ABCC8: variants seen among roughly 807,000 people sequenced by gnomAD.
ABCC8 encodes the protein ATP-binding cassette sub-family C member 8.
In ABCC8, 137 loss-of-function variants were observed where a neutral mutation model predicts 188.0. That is an observed-to-expected ratio of 0.73 (90% confidence interval 0.63 to 0.84). The LOEUF (loss-of-function observed/expected upper bound fraction) is 0.84, where lower values mean the gene tolerates loss of function less well. Ranked by LOEUF, ABCC8 falls within the 40% of genes least tolerant of loss-of-function variation. The pLI, the probability that ABCC8 is intolerant of heterozygous loss-of-function variation, is 0.00. For synonymous variants in ABCC8, 797 were observed against 846.5 expected (o/e 0.94, Z 1.01); for missense variants, 1,750 against 2,072.7 (o/e 0.84, Z 3.02).
At chr11:17,415,552 A>G in intron 17 of ABCC8, 1 of 603,796 alleles carries the variant, frequency 1.7e-6, no homozygotes, top group Non-Finnish European at 2.1e-6. Flanking sequence ...GTGTGTGAGG[A>G]GGGCCCTGGA....
In ABCC8 at chr11:17,428,570, C is replaced by A. The variant is rs1471134907; in HGVS notation, c.1918G>T (p.Ala640Ser). 1.9e-6 allele frequency: 3 copies of A among 1,613,984 alleles called. No homozygotes were observed. Among genetic ancestry groups the A allele is most frequent in the African/African-American group, 2.7e-5 (2 of 74,936 alleles). Reference protein sequence around the residue: ...TPQGPASKYQAVPLRVVNRKR... With the variant: ...TPQGPASKYQSVPLRVVNRKR... Reference sequence around the variant, plus strand: ...AGGGGAGGCCGGGCACTCACCACCGCCTGGTACTTGCTGGCTGGGCCCTGA... The same window carrying A: ...AGGGGAGGCCGGGCACTCACCACCGACTGGTACTTGCTGGCTGGGCCCTGA... The change falls in exon 13 of 39, where the codon GCG becomes TCG. Residue 640 changes from alanine to serine, a missense_variant. Transcript: ENST00000389817.
Position 17,404,586 on chromosome 11 carries a change from A to G in ABCC8, c.3483T>C (p.Pro1161=). Residue 1161 remains proline, a synonymous_variant, in exon 28 of 39, where the codon CCT becomes CCC. Transcript: ENST00000389817. This position sits in a 1 kb window ranked among gnomAD's most constrained non-coding sequence, Gnocchi z 4.7. ...GGGGCAAGAGGGCCACGAGGAACAC[A>G]GGTGTGACATAGGAGATGACGGCCA... ...SALAVISYVT[P]VFLVALLPLA... is the part of the protein sequence containing the mutation. 6.2e-7 allele frequency: 1 copy of G among 1,614,064 alleles called. No individual in the cohort carries two copies. The highest frequency in any genetic ancestry group is 2.2e-5 in the East Asian group (1 of 44,868).
rs1206309605 is a variant in ABCC8 at position 17,427,461 on chromosome 11, C to T, written c.2117-307G>A. On this transcript the variant is annotated intron_variant, in intron 15 of 38. Transcript: ENST00000389817. The surrounding 1 kb of genome is among the most constrained non-coding windows in gnomAD (Gnocchi z 5.0). ...CCTTGTGGTCCCAAGAAACACCATCCTGGGTCCCACCTCCAACCCACCTCC... is the reference window on the plus strand; with the variant it reads ...CCTTGTGGTCCCAAGAAACACCATCTTGGGTCCCACCTCCAACCCACCTCC... Among the ~76,000 whole-genome samples, 1 of 152,146 alleles carries T rather than the reference C, an allele frequency of 6.6e-6. No homozygotes were observed. The highest frequency in any genetic ancestry group is 1.5e-5 in the Non-Finnish European group (1 of 68,044).
At chr11:17,462,991 G>C (rs1847917986) in intron 4 of ABCC8, among the ~76,000 whole-genome samples, 1 of 152,168 alleles carries the variant, frequency 6.6e-6, no homozygotes, top group African/African-American at 2.4e-5. Context: ...TAGGGGCAGG[G>C]GAAGGGGAAG....
intron 10 of ABCC8, among the ~76,000 whole-genome samples, chr11:17,435,180 C>T (rs1168049514): frequency 6.6e-6 from 1 of 152,170 alleles, no homozygotes; most frequent in African/African-American, 2.4e-5. Flanking sequence ...CCCCTCCACC[C>T]CCGCCTCTCT....
intron 16 of ABCC8, among the ~76,000 whole-genome samples, chr11:17,426,277 G>A (rs939505952): frequency 9.2e-5 from 14 of 152,142 alleles, no homozygotes; most frequent in African/African-American, 3.4e-4. Flanking sequence ...TTCCACAATG[G>A]TTGAACTAAT....
intron 10 of ABCC8, among the ~76,000 whole-genome samples, chr11:17,437,573 T>C (rs1166865639): frequency 6.6e-6 from 1 of 152,236 alleles, no homozygotes; most frequent in African/African-American, 2.4e-5. Context: ...TGTTTCCCAT[T>C]CAGTCCAATA....
At chr11:17,432,600 G>T (rs547035851) in intron 10 of ABCC8, among the ~76,000 whole-genome samples, 3 of 152,302 alleles carry the variant, frequency 2.0e-5, no homozygotes, top group East Asian at 3.9e-4. Context: ...GCACAAAGCT[G>T]CCACTTCTTC....
At chr11:17,408,751 A>T (rs1207083996) in intron 22 of ABCC8, among the ~76,000 whole-genome samples, 2 of 152,126 alleles carry the variant, frequency 1.3e-5, no homozygotes, top group Admixed American at 1.3e-4. Context: ...GGGTTTGCAG[A>T]GCAAATTAGT....
chr11:17,427,741 A>T lies in ABCC8; in HGVS notation c.2116+126T>A. The T allele has an allele frequency of 2.3e-6, 3 of 1,303,910 alleles. No individual in the cohort carries two copies. The highest frequency in any genetic ancestry group is 3.2e-6 in the Non-Finnish European group (3 of 944,198). The allele number at this position is 1,303,910 out of a possible 1,614,324, so 80.8% of individuals were successfully genotyped here. On this transcript the variant is annotated intron_variant, in intron 15 of 38. Coordinates refer to ENST00000389817, the MANE Select transcript of ABCC8 (RefSeq NM_000352.6). This position sits in a 1 kb window ranked among gnomAD's most constrained non-coding sequence, Gnocchi z 5.0. ...ATGTAGCCTTCCCCTTCTATAATAT[A>T]CCCAGGGCATACACCAAGAATGAGC...
Position 17,430,547 on chromosome 11 carries a change from G to T in ABCC8, c.1817+267C>A, listed in dbSNP as rs72866869. On this transcript the variant is annotated intron_variant, in intron 12 of 38. Transcript: ENST00000389817. ...GGATTCCACATTTGGCTCAACACTG[G>T]TTTTTTTTTTTTTTTAAGTTGTCGT... The T allele has an allele frequency of 0.11, 47,545 of 432,122 alleles. 1,540 individuals are homozygous for T. The highest frequency in any genetic ancestry group is 0.19 in the South Asian group (8,324 of 43,416). 26.8% of individuals were successfully genotyped at this position (432,122 alleles called of 1,614,324 possible).
intron 6 of ABCC8, among the ~76,000 whole-genome samples, chr11:17,457,893 C>T (rs988296763): frequency 5.9e-5 from 9 of 152,156 alleles, no homozygotes; most frequent in South Asian, 4.2e-4. Context: ...GCAGAAAAAA[C>T]GGCTTCCTCT....
At chr11:17,411,584 C>G (rs1031229138) in intron 21 of ABCC8, among the ~76,000 whole-genome samples, 4 of 152,154 alleles carry the variant, frequency 2.6e-5, no homozygotes, top group Non-Finnish European at 5.9e-5. Context: ...TTCCAACTCA[C>G]TGTGCAAATG....
chr11:17,406,511 C>T (rs1018195696), intron 26 of ABCC8, 111 bp downstream of exon 26: 34 of 1,192,814 alleles, frequency 2.9e-5, no homozygotes, highest in Middle Eastern at 2.0e-4. Flanking sequence ...CCTTGAGTCA[C>T]CCCCACAAGC....
chr11:17,418,823 C>T (rs1421136953), intron 16 of ABCC8, among the ~76,000 whole-genome samples: 2 of 152,220 alleles, frequency 1.3e-5, no homozygotes, highest in Non-Finnish European at 2.9e-5. Flanking sequence ...TTTCAGCCCC[C>T]ATGGTGCTTA....
rs142378629 is a variant in ABCC8 at position 17,470,472 on chromosome 11, T to C, written c.291-250A>G. Among the ~76,000 whole-genome samples the C allele has an allele frequency of 3.6e-3, 554 of 152,042 alleles. 3 individuals are homozygous for C. The highest frequency in any genetic ancestry group is 0.013 in the African/African-American group (523 of 41,446). ...GCCCTAAGCACAAGGGTTGCTGGGG[T>C]CTCTTGAACAGTGCAGGGGCCTGTA... On this transcript the variant is annotated intron_variant, in intron 2 of 38. Transcript: ENST00000389817.
At chr11:17,461,446 G>T in intron 5 of ABCC8, 137 bp downstream of exon 5, 2 of 1,158,606 alleles carry the variant, frequency 1.7e-6, no homozygotes, top group Non-Finnish European at 2.5e-6. Context: ...GTGACTTAAG[G>T]CAAGCTTCTT....
At chr11:17,412,784 C>T in intron 20 of ABCC8, 38 bp from the exon 21 acceptor site, 2 of 1,582,646 alleles carry the variant, frequency 1.3e-6, no homozygotes, top group Non-Finnish European at 1.7e-6. Context: ...TGCCCTCAGC[C>T]ATTCAGGAGA....
chr11:17,394,536 C>G, intron 36 of ABCC8, 137 bp from the exon 37 acceptor site: 1 of 1,472,096 alleles, frequency 6.8e-7, no homozygotes, highest in African/African-American at 1.4e-5. Context: ...AGAGCACAGG[C>G]GTGTGCAGGG....
Sources: gnomAD v4.1 joint callset for allele counts (sites outside exome capture counted in the v4.1 genomes callset) on GRCh38, gnomAD v4.1.1 for gene constraint, Gnocchi (gnomAD v3.1) non-coding constraint, MANE v1.5 for transcripts, NCBI Gene and HGNC (gene_info 2026-07-23, HGNC 2026-07-21) for gene names.